WDPCP: variants seen among roughly 807,000 people sequenced by gnomAD.
WDPCP encodes the protein WD repeat-containing and planar cell polarity effector protein fritz homolog.
Under a neutral mutation model 93.1 loss-of-function variants are expected in WDPCP, and 71 were observed. The ratio of observed to expected loss-of-function variants is 0.76; its 90% CI spans 0.63 to 0.93. The LOEUF (loss-of-function observed/expected upper bound fraction) is 0.93. Ranked by LOEUF, WDPCP falls within the 40% of genes least tolerant of loss-of-function variation. WDPCP has a pLI of 0.00. For synonymous variants in WDPCP, 315 were observed against 315.0 expected (o/e 1.00, Z 0.00); for missense variants, 844 against 887.4 (o/e 0.95, Z 0.62).
intron 13 of WDPCP, among the ~76,000 whole-genome samples, chr2:63,283,133 T>C (rs1315917839): frequency 6.6e-6 from 1 of 152,210 alleles, no homozygotes; most frequent in East Asian, 1.9e-4. Context: ...ATGAAGAACA[T>C]GATTTCAAGT....
intron 17 of WDPCP, among the ~76,000 whole-genome samples, chr2:63,132,763 C>G (rs1427995974): frequency 6.6e-6 from 1 of 151,896 alleles, no homozygotes; most frequent in Non-Finnish European, 1.5e-5. Flanking sequence ...TCCTTTAGGT[C>G]TCTGTCCATG....
At chr2:63,795,775 T>C (rs1448026499) in intron 2 of WDPCP, among the ~76,000 whole-genome samples, 4 of 152,140 alleles carry the variant, frequency 2.6e-5, no homozygotes, top group Non-Finnish European at 5.9e-5. Context: ...TCTTTAAAGA[T>C]AGTATGTGTG....
intron 14 of WDPCP, among the ~76,000 whole-genome samples, chr2:63,253,262 A>T (rs1174429952): frequency 6.6e-6 from 1 of 152,160 alleles, no homozygotes; most frequent in Non-Finnish European, 1.5e-5. Flanking sequence ...TAAATGTATG[A>T]CCTCATACCA....
chr2:63,391,495 C>T (rs1358089414), intron 10 of WDPCP, among the ~76,000 whole-genome samples: 2 of 152,108 alleles, frequency 1.3e-5, no homozygotes, highest in Non-Finnish European at 2.9e-5. Flanking sequence ...ACAAGGATGC[C>T]CTCTCTCACC....
chr2:63,660,391 G>T (rs1558877910), intron 2 of WDPCP, among the ~76,000 whole-genome samples: 1 of 152,162 alleles, frequency 6.6e-6, no homozygotes, highest in Non-Finnish European at 1.5e-5. Context: ...AGGCTTGCTT[G>T]AATTGCAATT....
chr2:63,304,278 T>C (rs1014515085), intron 13 of WDPCP, among the ~76,000 whole-genome samples: 3 of 152,162 alleles, frequency 2.0e-5, no homozygotes, highest in African/African-American at 7.2e-5. Flanking sequence ...AAATGTGACA[T>C]ATGGGTGGCT....
intron 3 of WDPCP, chr2:63,594,522 C>T: frequency 6.2e-7 from 1 of 1,613,874 alleles, no homozygotes; most frequent in Non-Finnish European, 8.5e-7. Flanking sequence ...ACTGGAGCAG[C>T]TGGTCAAATT....
chr2:63,213,208 AC>A (rs1302509086), intron 14 of WDPCP, among the ~76,000 whole-genome samples: 10 of 152,210 alleles, frequency 6.6e-5, no homozygotes, highest in Admixed American at 1.3e-4. Context: ...TCCAAAATTG[AC>A]CACATAGTTG....
chr2:63,755,221 A>G (rs961139030), intron 2 of WDPCP, among the ~76,000 whole-genome samples: 1 of 152,188 alleles, frequency 6.6e-6, no homozygotes, highest in African/African-American at 2.4e-5. Flanking sequence ...TGCTATATTC[A>G]GTAGAGGAGG....
At chr2:63,413,994 T>C (rs978227274) in intron 9 of WDPCP, among the ~76,000 whole-genome samples, 6 of 139,134 alleles carry the variant, frequency 4.3e-5, no homozygotes, top group African/African-American at 7.9e-5. Context: ...AAAAAAAAAA[T>C]CCCATAAAAA....
At chr2:63,758,908 G>C (rs887680026) in intron 2 of WDPCP, among the ~76,000 whole-genome samples, 1 of 152,114 alleles carries the variant, frequency 6.6e-6, no homozygotes, top group African/African-American at 2.4e-5. Context: ...CTCCCGAGTA[G>C]TTGGGATTAC....
At chr2:63,600,712 C>T (rs1246669093) in intron 3 of WDPCP, among the ~76,000 whole-genome samples, 3 of 152,052 alleles carry the variant, frequency 2.0e-5, no homozygotes, top group South Asian at 4.1e-4. Flanking sequence ...AAATTTTTAG[C>T]TTAAAGTGCA....
chr2:63,781,772 G>C (rs1467629703), intron 2 of WDPCP, among the ~76,000 whole-genome samples: 1 of 152,132 alleles, frequency 6.6e-6, no homozygotes, highest in Non-Finnish European at 1.5e-5. Flanking sequence ...TCCCCGAAAT[G>C]AATTATTACA....
intron 10 of WDPCP, among the ~76,000 whole-genome samples, chr2:63,385,624 T>C (rs936959524): frequency 2.0e-5 from 3 of 151,944 alleles, no homozygotes; most frequent in Non-Finnish European, 4.4e-5. Flanking sequence ...AACACCTAAA[T>C]AATTGGAGAA....
intron 12 of WDPCP, 142 bp downstream of exon 12, chr2:63,378,244 G>A: frequency 2.7e-6 from 3 of 1,109,096 alleles, no homozygotes; most frequent in Non-Finnish European, 3.9e-6. Flanking sequence ...AATTAAATAA[G>A]ACCAAAAGAA....
At chr2:63,753,948 T>C (rs924267365) in intron 2 of WDPCP, among the ~76,000 whole-genome samples, 1 of 152,202 alleles carries the variant, frequency 6.6e-6, no homozygotes, top group African/African-American at 2.4e-5. Flanking sequence ...ATGTGGTTTA[T>C]TGAGGGACTC....
chr2:63,300,668 A>C (rs1685260640), intron 13 of WDPCP, among the ~76,000 whole-genome samples: 1 of 152,238 alleles, frequency 6.6e-6, no homozygotes, highest in Non-Finnish European at 1.5e-5. Context: ...TTTACAGTTC[A>C]GGTAAGTAAT....
chr2:63,557,418 C>T (rs913281121), intron 1 of WDPCP, among the ~76,000 whole-genome samples: 1 of 152,150 alleles, frequency 6.6e-6, no homozygotes, highest in Non-Finnish European at 1.5e-5. Flanking sequence ...AAAGAAGGGG[C>T]ATTACATAAT....
At chr2:63,151,430 G>A (rs960293605) in intron 17 of WDPCP, among the ~76,000 whole-genome samples, 2 of 152,114 alleles carry the variant, frequency 1.3e-5, no homozygotes, top group African/African-American at 4.8e-5. Flanking sequence ...TTGCCATGTT[G>A]TCCAGGCTGG....
Sources: allele counts gnomAD v4.1 joint callset (sites outside exome capture counted in the v4.1 genomes callset), GRCh38; gene constraint gnomAD v4.1.1; transcripts MANE v1.5; gene names NCBI Gene and HGNC (gene_info 2026-07-23, HGNC 2026-07-21).